The following ZBTB7C variants were observed in gnomAD, a reference collection of about 807,000 sequenced individuals.
The protein encoded by ZBTB7C is zinc finger and BTB domain-containing protein 7C.
ZBTB7C carries 8 observed loss-of-function variants against 25.7 expected under a neutral mutation model. That is an observed-to-expected ratio of 0.31 (90% CI 0.18 to 0.56). ZBTB7C has a LOEUF of 0.56. Among genes scored for constraint, ZBTB7C ranks in the 20% least tolerant of loss-of-function variants. The probability of loss-of-function intolerance (pLI) is 0.91; values close to 1 mark genes in which losing one functional copy is unlikely to be tolerated. For missense variants in ZBTB7C, 824 were observed against 855.2 expected, an observed-to-expected ratio of 0.96 and a Z score of 0.46; for synonymous variants, 394 against 369.0, an observed-to-expected ratio of 1.07 and a Z score of -0.78.
chr18:48,389,107 C>G (rs186501066), intron 1 of ZBTB7C, among the ~76,000 whole-genome samples: 1 of 152,084 alleles, frequency 6.6e-6, no homozygotes, highest in East Asian at 1.9e-4. Context: ...GTGGAAGCCT[C>G]GGGCTGTGAG....
chr18:48,126,167 A>G (rs562049920), intron 3 of ZBTB7C, among the ~76,000 whole-genome samples: 1 of 152,186 alleles, frequency 6.6e-6, no homozygotes, highest in African/African-American at 2.4e-5. Context: ...CCCCATTATT[A>G]TTACCTGTTC....
At chr18:48,067,688 C>G (rs890285049) in intron 3 of ZBTB7C, among the ~76,000 whole-genome samples, 1 of 152,114 alleles carries the variant, frequency 6.6e-6, no homozygotes, top group Non-Finnish European at 1.5e-5. Context: ...TACAATTGCA[C>G]GAGCCAATTC....
intron 3 of ZBTB7C, among the ~76,000 whole-genome samples, chr18:48,101,706 C>T (rs925921858): frequency 6.6e-6 from 1 of 152,182 alleles, no homozygotes; most frequent in African/African-American, 2.4e-5. Flanking sequence ...GGTTAAGTAA[C>T]TTGTTTGAAG....
intron 3 of ZBTB7C, among the ~76,000 whole-genome samples, chr18:48,070,228 G>A (rs1467643739): frequency 1.3e-5 from 2 of 152,194 alleles, no homozygotes; most frequent in African/African-American, 4.8e-5. Context: ...AAAAGTGTCA[G>A]CCACAATGAG....
chr18:48,092,707 C>T (rs1350217895), intron 3 of ZBTB7C, among the ~76,000 whole-genome samples: 1 of 152,222 alleles, frequency 6.6e-6, no homozygotes, highest in Admixed American at 6.5e-5. Context: ...CCACTAGACT[C>T]ATATGCAGAT....
chr18:48,339,589 AT>A lies in ZBTB7C; in HGVS notation c.-303-1192del, dbSNP rs1356602460. ...TAAGTAAATGAAACAGCCAATTATCATTCTTTCCAGCAAGCTCCCTGGCCCT... is the reference window on the plus strand; with the variant it reads ...TAAGTAAATGAAACAGCCAATTATCATCTTTCCAGCAAGCTCCCTGGCCCT... On this transcript the variant is annotated intron_variant, in intron 1 of 4. Transcript: ENST00000590800. 2.0e-5 allele frequency among the ~76,000 whole-genome samples: 3 copies of A among 152,240 alleles called. No homozygotes were observed. The East Asian group carries it at 5.8e-4, about 29-fold the overall frequency.
intron 3 of ZBTB7C, among the ~76,000 whole-genome samples, chr18:48,074,224 G>C (rs1220595316): frequency 6.6e-6 from 1 of 152,042 alleles, no homozygotes; most frequent in East Asian, 1.9e-4. Context: ...ATATTGGTCA[G>C]GCTGGTCTTG....
intron 2 of ZBTB7C, among the ~76,000 whole-genome samples, chr18:48,328,582 C>T (rs994891056): frequency 3.3e-5 from 5 of 152,206 alleles, no homozygotes; most frequent in African/African-American, 9.6e-5. Flanking sequence ...AGGAACCCCC[C>T]TCCCAACCCT....
intron 3 of ZBTB7C, among the ~76,000 whole-genome samples, chr18:48,044,319 A>G (rs916870537): frequency 3.9e-5 from 6 of 152,174 alleles, no homozygotes; most frequent in Middle Eastern, 3.2e-3. Flanking sequence ...CTCTGAGGCC[A>G]CCTCCTACAT....
chr18:48,225,156 A>G (rs2043057310), intron 2 of ZBTB7C, among the ~76,000 whole-genome samples: 1 of 152,108 alleles, frequency 6.6e-6, no homozygotes, highest in African/African-American at 2.4e-5. Flanking sequence ...CCCATCTACA[A>G]CTGGCTTCCA....
At chr18:48,034,149 G>A (rs1269870231) in intron 4 of ZBTB7C, among the ~76,000 whole-genome samples, 1 of 152,160 alleles carries the variant, frequency 6.6e-6, no homozygotes, top group African/African-American at 2.4e-5. Flanking sequence ...AGGTCTGGCA[G>A]TTCCACTTAA....
chr18:48,161,432 C>A (rs2041025312), intron 3 of ZBTB7C, among the ~76,000 whole-genome samples: 2 of 151,962 alleles, frequency 1.3e-5, no homozygotes, highest in South Asian at 2.1e-4. Context: ...ACCAACGGGG[C>A]GGATTCACGA....
intron 2 of ZBTB7C, among the ~76,000 whole-genome samples, chr18:48,217,998 TG>T (rs1343519279): frequency 6.6e-6 from 1 of 152,126 alleles, no homozygotes; most frequent in Non-Finnish European, 1.5e-5. Context: ...AAGGTGACAC[TG>T]GGTCTCCTGC....
intron 3 of ZBTB7C, among the ~76,000 whole-genome samples, chr18:48,172,694 C>T (rs1230509840): frequency 6.6e-6 from 1 of 152,266 alleles, no homozygotes; most frequent in Non-Finnish European, 1.5e-5. Context: ...CCTTGGGCGG[C>T]CCCTCCCTCA....
At chr18:48,202,647 C>T (rs1234418940) in intron 2 of ZBTB7C, among the ~76,000 whole-genome samples, 5 of 152,002 alleles carry the variant, frequency 3.3e-5, no homozygotes, top group African/African-American at 9.7e-5. Context: ...GATGGGTGTA[C>T]GGGGGAAGCT....
chr18:48,270,825 C>T (rs1031280622), intron 2 of ZBTB7C, among the ~76,000 whole-genome samples: 2 of 151,896 alleles, frequency 1.3e-5, no homozygotes, highest in Non-Finnish European at 2.9e-5. Flanking sequence ...CTGGCACGCC[C>T]GGCCCTAAAC....
At chr18:48,374,150 C>G (rs1260566356) in intron 1 of ZBTB7C, 1 of 152,262 alleles carries the variant, frequency 6.6e-6, no homozygotes, top group African/African-American at 2.4e-5. Context: ...CCAATTAAAT[C>G]TCTTTTCTTA....
intron 1 of ZBTB7C, among the ~76,000 whole-genome samples, chr18:48,363,514 C>G (rs2047158216): frequency 1.3e-5 from 2 of 152,094 alleles, no homozygotes; most frequent in African/African-American, 4.8e-5. Flanking sequence ...GAACCTTTGG[C>G]TCTATCTCCA....
intron 2 of ZBTB7C, among the ~76,000 whole-genome samples, chr18:48,336,441 TC>T (rs1156634916): frequency 6.6e-6 from 1 of 152,166 alleles, no homozygotes; most frequent in Non-Finnish European, 1.5e-5. Flanking sequence ...TATTTCATTC[TC>T]CCCACTAGTC....
Sources: allele counts gnomAD v4.1 joint callset (sites outside exome capture counted in the v4.1 genomes callset), GRCh38; gene constraint gnomAD v4.1.1; transcripts MANE v1.5; gene names NCBI Gene and HGNC (gene_info 2026-07-23, HGNC 2026-07-21).